CTBP2: variants seen among roughly 807,000 people sequenced by gnomAD.
CTBP2 encodes C-terminal-binding protein 2.
CTBP2 carries 30 observed loss-of-function variants against 80.3 expected under a neutral mutation model. The observed-to-expected ratio is 0.37, with a 90% CI of 0.28 to 0.51. CTBP2 has a LOEUF of 0.51. CTBP2 is among the 20% of genes least tolerant of loss of function. The probability of loss-of-function intolerance (pLI) is 0.93; values close to 1 mark genes in which losing one functional copy is unlikely to be tolerated. For synonymous variants in CTBP2, 594 were observed against 587.4 expected (o/e 1.01, Z -0.16); for missense variants, 1,212 against 1,375.3 (o/e 0.88, Z 1.88).
chr10:125,111,942 A>G (rs1852354331), intron 1 of CTBP2, among the ~76,000 whole-genome samples: 1 of 152,088 alleles, frequency 6.6e-6, no homozygotes, highest in African/African-American at 2.4e-5. Flanking sequence ...TGGAGAGCCC[A>G]TGTATGAAGG....
intron 1 of CTBP2, among the ~76,000 whole-genome samples, chr10:125,113,362 C>T (rs992943336): frequency 2.6e-5 from 4 of 152,228 alleles, no homozygotes; most frequent in Non-Finnish European, 4.4e-5. Context: ...CTACTATATA[C>T]CCTGCCCATC....
At chr10:125,100,123 C>A (rs981545687) in intron 2 of CTBP2, among the ~76,000 whole-genome samples, 9 of 152,194 alleles carry the variant, frequency 5.9e-5, no homozygotes, top group African/African-American at 2.2e-4. Flanking sequence ...CCAAATACAT[C>A]AATTAGCATA....
intron 1 of CTBP2, among the ~76,000 whole-genome samples, chr10:125,149,322 G>C (rs1471381577): frequency 6.6e-6 from 1 of 152,196 alleles, no homozygotes; most frequent in African/African-American, 2.4e-5. Context: ...GAAAGGAGAG[G>C]GCTGGCCCAG....
chr10:125,079,152 A>G (rs1481847985), intron 2 of CTBP2, among the ~76,000 whole-genome samples: 3 of 19,884 alleles, frequency 1.5e-4, no homozygotes, highest in South Asian at 2.7e-3. Flanking sequence ...GTCTCGAGGA[A>G]AAAAAAAAAA....
At position 125,021,601 on chromosome 10, in the gene CTBP2, T is replaced by C. The variant is rs145334545; in HGVS notation, c.1678+4481A>G. Among the ~76,000 whole-genome samples, 361 of 152,228 alleles carry C rather than the reference T, an allele frequency of 2.4e-3. 2 individuals are homozygous for C. The highest frequency in any genetic ancestry group is 8.4e-3 in the African/African-American group (350 of 41,516). On this transcript the variant is annotated intron_variant, in intron 1 of 8. Coordinates refer to ENST00000309035, the MANE Select transcript of CTBP2 (RefSeq NM_022802.3). ...TCAGGGCAGCAACGGGCAGGAGGGA[T>C]GATCACTGCTGTTCTGCCATGAAGG...
At chr10:125,075,960 T>C (rs1196909675) in intron 2 of CTBP2, among the ~76,000 whole-genome samples, 1 of 152,196 alleles carries the variant, frequency 6.6e-6, no homozygotes, top group Admixed American at 6.5e-5. Flanking sequence ...GTGTAGCACA[T>C]GTGCACCAAA....
intron 2 of CTBP2, among the ~76,000 whole-genome samples, chr10:125,039,799 GGCAGGGTC>G (rs1208314634): frequency 1.3e-5 from 2 of 152,204 alleles, no homozygotes; most frequent in African/African-American, 2.4e-5. Flanking sequence ...CACCAGCAAG[GGCAGGGTC>G]CCAGGCTGCT....
At chr10:125,003,981 G>C (rs976913692) in intron 1 of CTBP2, among the ~76,000 whole-genome samples, 2 of 152,226 alleles carry the variant, frequency 1.3e-5, no homozygotes, top group Admixed American at 6.5e-5. Context: ...GGCGGGTCTG[G>C]GGCAGGGAAG....
chr10:125,054,381 A>C (rs1963436156), intron 2 of CTBP2, among the ~76,000 whole-genome samples: 1 of 152,150 alleles, frequency 6.6e-6, no homozygotes, highest in Non-Finnish European at 1.5e-5. Flanking sequence ...GCCAGCTGCC[A>C]TGCCAGCTGC....
intron 2 of CTBP2, among the ~76,000 whole-genome samples, chr10:125,109,850 G>C (rs2135916566): frequency 6.6e-6 from 1 of 152,372 alleles, no homozygotes; most frequent in African/African-American, 2.4e-5. Flanking sequence ...GAGACCACTT[G>C]CTCAGTCACC....
intron 2 of CTBP2, among the ~76,000 whole-genome samples, chr10:125,101,800 C>A (rs1335105574): frequency 6.6e-6 from 1 of 152,242 alleles, no homozygotes; most frequent in Non-Finnish European, 1.5e-5. Flanking sequence ...CTCCCACATG[C>A]TAAGCCTTTG....
intron 6 of CTBP2, 44 bp downstream of exon 8, chr10:124,993,811 C>T (rs1407044355): frequency 6.3e-7 from 1 of 1,589,988 alleles, no homozygotes; most frequent in Admixed American, 1.7e-5. Flanking sequence ...AGGTGTGGAG[C>T]TGGGCCCTGT....
Position 124,989,614 on chromosome 10 carries a change from A to G in CTBP2, c.2862T>C (p.Thr954=), listed in dbSNP as rs1395369975. Residue 954 remains threonine, a synonymous_variant, in exon 9 of 9, where the codon ACT becomes ACC. Transcript: ENST00000309035. The stretch of plus-strand genomic sequence containing the variant: ...GATGTGCCACTGTCGGGAGGTTGTG[A>G]GTCACTGGGATGCCTCCAGGGATGA... The G allele has an allele frequency of 1.2e-6, 2 of 1,612,420 alleles. No homozygotes were observed. The highest frequency in any genetic ancestry group is 2.2e-5 in the East Asian group (1 of 44,878).
rs977974072 is a variant in CTBP2 at position 125,082,269 on chromosome 10, G to A, written c.-102+28721C>T. On this transcript the variant is annotated intron_variant, in intron 2 of 10. Coordinates refer to the CTBP2 transcript ENST00000337195. ...CTCCTTACAGCCAGTGGACAGCCTC[G>A]CCTTGGAGATGTGGCCAGATGGGCT... Among the ~76,000 whole-genome samples the A allele has an allele frequency of 3.9e-5, 6 of 152,064 alleles. 1 individual carries two copies. In the East Asian group the frequency reaches 7.7e-4, roughly 20 times the overall value.
At chr10:124,997,476 G>T in intron 4 of CTBP2, 1 of 167,192 alleles carries the variant, frequency 6.0e-6, no homozygotes. Context: ...CCCTCTCTCA[G>T]GAGAGCTTTC....
chr10:125,132,031 G>A (rs1856270914), intron 1 of CTBP2, among the ~76,000 whole-genome samples: 1 of 152,148 alleles, frequency 6.6e-6, no homozygotes, highest in Non-Finnish European at 1.5e-5. Context: ...AAGCATTATA[G>A]CACTCTGGGT....
chr10:125,106,587 AACGTC>A (rs1034671266), intron 2 of CTBP2, among the ~76,000 whole-genome samples: 2 of 152,226 alleles, frequency 1.3e-5, no homozygotes, highest in African/African-American at 4.8e-5. Flanking sequence ...TTCCCAGCAT[AACGTC>A]ACTCAGTGGC....
intron 2 of CTBP2, among the ~76,000 whole-genome samples, chr10:125,063,969 A>AC (rs997541428): frequency 1.3e-5 from 2 of 151,746 alleles, no homozygotes; most frequent in East Asian, 3.9e-4. Context: ...GAAGCCCTCA[A>AC]CCCCCCGCAC....
intron 1 of CTBP2, among the ~76,000 whole-genome samples, chr10:125,115,974 C>T (rs545446407): frequency 2.0e-4 from 30 of 152,262 alleles, no homozygotes; most frequent in African/African-American, 6.7e-4. Context: ...TCCTCAGAGA[C>T]CTCTCTGGAC....
Sources: gnomAD v4.1 joint callset for allele counts (sites outside exome capture counted in the v4.1 genomes callset) on GRCh38, gnomAD v4.1.1 for gene constraint, MANE v1.5 for transcripts, NCBI Gene and HGNC (gene_info 2026-07-23, HGNC 2026-07-21) for gene names.